CSMD1: variants seen among roughly 807,000 people sequenced by gnomAD.
CSMD1 encodes the protein CUB and sushi domain-containing protein 1.
CSMD1 carries 213 observed loss-of-function variants against 417.5 expected under a neutral mutation model. That is an observed-to-expected ratio of 0.51 (90% CI 0.46 to 0.57). The LOEUF (loss-of-function observed/expected upper bound fraction) is 0.57. Ranked by LOEUF, CSMD1 falls within the 20% of genes least tolerant of loss-of-function variation. The pLI is 0.00. For synonymous variants in CSMD1, 2,862 were observed against 1,736.8 expected, an observed-to-expected ratio of 1.65 and a Z score of -16.11; for missense variants, 6,923 against 4,529.7, an observed-to-expected ratio of 1.53 and a Z score of -15.17.
At chr8:3,050,116 A>AC (rs1277872830) in intron 50 of CSMD1, among the ~76,000 whole-genome samples, 1 of 151,848 alleles carries the variant, frequency 6.6e-6, no homozygotes, top group East Asian at 1.9e-4. Context: ...AAAAAAAAAA[A>AC]AAAAACTGAT....
Position 3,722,601 on chromosome 8 carries a change from C to G in CSMD1, c.932-14110G>C, listed in dbSNP as rs191475292. On this transcript the variant is annotated intron_variant, in intron 6 of 69. Transcript: ENST00000635120. The stretch of plus-strand genomic sequence containing the variant: ...CATTAATAACTCACCTTAAAAGGAC[C>G]CTGGTGGGAAAAGTCCCCATTAGTA... Among the ~76,000 whole-genome samples the G allele has an allele frequency of 3.3e-5, 5 of 152,134 alleles. No individual in the cohort carries two copies. In the South Asian group the frequency reaches 8.3e-4, roughly 25 times the overall value.
chr8:3,753,251 G>A (rs1159211962), intron 6 of CSMD1, among the ~76,000 whole-genome samples: 2 of 152,176 alleles, frequency 1.3e-5, no homozygotes, highest in African/African-American at 2.4e-5. Flanking sequence ...AAATCGAAGT[G>A]GAATGGTTTT....
intron 5 of CSMD1, among the ~76,000 whole-genome samples, chr8:3,957,555 A>G (rs1333711717): frequency 6.6e-6 from 1 of 152,106 alleles, no homozygotes; most frequent in Non-Finnish European, 1.5e-5. Flanking sequence ...ATGGCGGGGC[A>G]TACTTGTAGT....
chr8:3,948,017 C>T (rs771173053), intron 5 of CSMD1, among the ~76,000 whole-genome samples: 1 of 152,090 alleles, frequency 6.6e-6, no homozygotes, highest in African/African-American at 2.4e-5. Flanking sequence ...ACCAGCCTGG[C>T]CAACATGGTA....
chr8:4,223,296 C>T (rs535956263), intron 3 of CSMD1, among the ~76,000 whole-genome samples: 9 of 152,316 alleles, frequency 5.9e-5, no homozygotes, highest in African/African-American at 1.9e-4. Flanking sequence ...CCTCGAAATT[C>T]ACCTGCACAC....
intron 10 of CSMD1, among the ~76,000 whole-genome samples, chr8:3,538,067 G>A (rs1443028292): frequency 6.6e-6 from 1 of 152,334 alleles, no homozygotes; most frequent in East Asian, 1.9e-4. Context: ...GATGGTCAAT[G>A]ACCCGATCCT....
intron 1 of CSMD1, among the ~76,000 whole-genome samples, chr8:4,751,826 G>A (rs923901504): frequency 2.0e-5 from 3 of 152,062 alleles, no homozygotes; most frequent in East Asian, 1.9e-4. Context: ...TGATGTCTTC[G>A]GTTTCATGTT....
intron 5 of CSMD1, among the ~76,000 whole-genome samples, chr8:3,886,786 C>T (rs1199765493): frequency 6.6e-6 from 1 of 152,020 alleles, no homozygotes; most frequent in Non-Finnish European, 1.5e-5. Flanking sequence ...GATATACTGC[C>T]AAAGATTACA....
In CSMD1 at chr8:4,730,666, G is replaced by A. The variant is rs766366683; in HGVS notation, c.86-93108C>T. 5.3e-5 allele frequency among the ~76,000 whole-genome samples: 8 copies of A among 152,076 alleles called. No homozygotes were observed. The South Asian group carries it at 6.2e-4, about 12-fold the overall frequency. On this transcript the variant is annotated intron_variant, in intron 1 of 69. Transcript: ENST00000635120. ...TGAGACAGGAGAATGGTGTGAACCC[G>A]GGAAGCGGAGCTTGCAGTGAGGAGA...
chr8:4,059,232 C>A (rs1005975707), intron 3 of CSMD1, among the ~76,000 whole-genome samples: 3 of 152,136 alleles, frequency 2.0e-5, no homozygotes, highest in African/African-American at 7.2e-5. Flanking sequence ...TAAAGATGTT[C>A]TTTGAAACCA....
chr8:4,458,555 T>C (rs1195897576), intron 2 of CSMD1, among the ~76,000 whole-genome samples: 2 of 152,076 alleles, frequency 1.3e-5, no homozygotes, highest in Non-Finnish European at 2.9e-5. Flanking sequence ...TGTTAACTGT[T>C]ACTCTTTGAA....
Position 4,173,593 on chromosome 8 carries a change from T to C in CSMD1, c.416-141494A>G, listed in dbSNP as rs370288075. ...TGATGTAACAATATGATTCGCTGGG[T>C]TTAAAAGTTATTAGATACATAGCTT... On this transcript the variant is annotated intron_variant, in intron 3 of 69. Coordinates refer to ENST00000635120, the MANE Select transcript of CSMD1 (RefSeq NM_033225.6). Among the ~76,000 whole-genome samples, 7 of 152,052 alleles carry C rather than the reference T, an allele frequency of 4.6e-5. No individual in the cohort carries two copies. The East Asian group carries it at 5.8e-4, about 13-fold the overall frequency.
intron 5 of CSMD1, among the ~76,000 whole-genome samples, chr8:3,784,585 G>T (rs1394507098): frequency 6.6e-6 from 1 of 152,122 alleles, no homozygotes; most frequent in Non-Finnish European, 1.5e-5. Context: ...AATTTATTAA[G>T]ATGCTTCAAT....
intron 3 of CSMD1, among the ~76,000 whole-genome samples, chr8:4,136,115 T>C (rs1484004117): frequency 2.6e-5 from 4 of 152,192 alleles, no homozygotes; most frequent in Admixed American, 1.3e-4. Context: ...AAGGAAACTT[T>C]CCAAAGGACC....
At chr8:2,962,103 A>T (rs1803542966) in intron 61 of CSMD1, among the ~76,000 whole-genome samples, 1 of 152,220 alleles carries the variant, frequency 6.6e-6, no homozygotes, top group Admixed American at 6.5e-5. Flanking sequence ...TGCAGCAATA[A>T]AACAACAGCA....
intron 3 of CSMD1, among the ~76,000 whole-genome samples, chr8:4,278,250 A>G (rs1796594073): frequency 6.6e-6 from 1 of 152,170 alleles, no homozygotes; most frequent in African/African-American, 2.4e-5. Context: ...AGTGATTAAA[A>G]TTCAGTTTAA....
chr8:3,691,657 C>A (rs1199999382), intron 7 of CSMD1, among the ~76,000 whole-genome samples: 1 of 152,140 alleles, frequency 6.6e-6, no homozygotes, highest in Non-Finnish European at 1.5e-5. Context: ...CCTTTCGTGG[C>A]AGGCACTGGG....
At chr8:3,950,675 C>A (rs1811541059) in intron 5 of CSMD1, among the ~76,000 whole-genome samples, 1 of 152,154 alleles carries the variant, frequency 6.6e-6, no homozygotes, top group African/African-American at 2.4e-5. Context: ...TTTCTCCTGC[C>A]ACTTTAATAA....
intron 2 of CSMD1, among the ~76,000 whole-genome samples, chr8:4,461,944 T>C (rs1189254446): frequency 1.3e-5 from 2 of 152,050 alleles, no homozygotes; most frequent in East Asian, 1.9e-4. Context: ...GGTTTCATCA[T>C]GTTAGCCAGG....
Sources: gnomAD v4.1 joint callset for allele counts (sites outside exome capture counted in the v4.1 genomes callset) on GRCh38, gnomAD v4.1.1 for gene constraint, MANE v1.5 for transcripts, NCBI Gene and HGNC (gene_info 2026-07-23, HGNC 2026-07-21) for gene names.